Variants in ARHGEF10L observed in about 807,000 individuals in gnomAD.
ARHGEF10L encodes rho guanine nucleotide exchange factor 10-like protein.
A neutral mutation model predicts 141.2 loss-of-function variants in ARHGEF10L; 69 were observed. The ratio of observed to expected loss-of-function variants is 0.49; its 90% CI spans 0.40 to 0.60. ARHGEF10L has a LOEUF of 0.60. ARHGEF10L is among the 20% of genes least tolerant of loss of function. The pLI is 0.00. For missense variants in ARHGEF10L, 1,482 were observed against 1,734.3 expected, an observed-to-expected ratio of 0.85 and a Z score of 2.58; for synonymous variants, 711 against 718.5, an observed-to-expected ratio of 0.99 and a Z score of 0.17.
At chr1:17,574,733 C>T (rs79705403) in intron 1 of ARHGEF10L, among the ~76,000 whole-genome samples, 2,449 of 152,330 alleles carry the variant, frequency 0.016, 27 homozygotes, top group Middle Eastern at 0.031. Flanking sequence ...CTCCCCATCC[C>T]GGACTCTCCA....
intron 21 of ARHGEF10L, among the ~76,000 whole-genome samples, chr1:17,641,234 CA>C (rs1164147010): frequency 6.6e-6 from 1 of 152,246 alleles, no homozygotes; most frequent in East Asian, 1.9e-4. Flanking sequence ...TGATGTACTA[CA>C]GTTCCCATTT....
chr1:17,544,291 T>TATATATGA (rs200881521), intron 1 of ARHGEF10L, among the ~76,000 whole-genome samples: 5 of 150,838 alleles, frequency 3.3e-5, no homozygotes, highest in African/African-American at 9.7e-5. Context: ...TATATATATA[T>TATATATGA]AATAATTTTT....
chr1:17,582,735 C>T (rs2078683639), intron 2 of ARHGEF10L, among the ~76,000 whole-genome samples: 1 of 152,222 alleles, frequency 6.6e-6, no homozygotes, highest in Non-Finnish European at 1.5e-5. Flanking sequence ...TTGGCACCGT[C>T]TCAGTCTCTG....
intron 4 of ARHGEF10L, among the ~76,000 whole-genome samples, chr1:17,594,873 G>A (rs1187248237): frequency 2.0e-5 from 3 of 152,120 alleles, no homozygotes; most frequent in African/African-American, 7.2e-5. Flanking sequence ...GAGAGATTAG[G>A]TGCTTACTCG....
At position 17,639,857 on chromosome 1, in the gene ARHGEF10L, G is replaced by C. The variant is rs1362660231; in HGVS notation, c.2172-345G>C. 7.3e-7 allele frequency: 1 copy of C among 1,375,526 alleles called. No homozygotes were observed. The highest frequency in any genetic ancestry group is 1.4e-5 in the African/African-American group (1 of 69,114). 85.2% of individuals were successfully genotyped at this position (1,375,526 alleles called of 1,614,324 possible). On this transcript the variant is annotated intron_variant, in intron 20 of 28. Coordinates refer to ENST00000361221, the MANE Select transcript of ARHGEF10L (RefSeq NM_018125.4). This position sits in a 1 kb window ranked among gnomAD's most constrained non-coding sequence, Gnocchi z 4.3. ...AGGCACGTGGTCAGACATGTAAGGTGTCTAAGACCTGTGGACAGCTGACCG... is the reference window on the plus strand; with the variant it reads ...AGGCACGTGGTCAGACATGTAAGGTCTCTAAGACCTGTGGACAGCTGACCG...
chr1:17,657,865 A>G (rs2062372609), intron 25 of ARHGEF10L, among the ~76,000 whole-genome samples: 2 of 152,210 alleles, frequency 1.3e-5, no homozygotes, highest in African/African-American at 4.8e-5. Flanking sequence ...TCTGGTCCCC[A>G]GCTTGGGTTG....
At position 17,654,814 on chromosome 1, in the gene ARHGEF10L, G is replaced by A. The variant is rs2062130934; in HGVS notation, c.2481+92G>A. ...GGAGGGGGTGCTGGAGACAGCAGCT[G>A]CCTGCCTCATCTCATGCAGCTTCAT... is the stretch of plus-strand genomic sequence containing the variant. On this transcript the variant is annotated intron_variant, in intron 23 of 28. Coordinates refer to ENST00000361221, the MANE Select transcript of ARHGEF10L (RefSeq NM_018125.4). The surrounding 1 kb of genome is among the most constrained non-coding windows in gnomAD (Gnocchi z 4.3). The A allele has an allele frequency of 1.7e-6, 2 of 1,184,406 alleles. No individual in the cohort carries two copies. Among genetic ancestry groups the A allele is most frequent in the East Asian group, 2.3e-5 (1 of 42,828 alleles). 73.4% of individuals were successfully genotyped at this position (1,184,406 alleles called of 1,614,324 possible). A position where few individuals can be genotyped will look rare whatever the true frequency, so the allele number is the denominator to read the frequency against.
chr1:17,593,029 C>T (rs940557872), intron 4 of ARHGEF10L, among the ~76,000 whole-genome samples: 2 of 152,166 alleles, frequency 1.3e-5, no homozygotes, highest in African/African-American at 4.8e-5. Flanking sequence ...TCCCAGTTTC[C>T]AATCAGAGCC....
At chr1:17,616,295 T>G (rs2059804405) in intron 9 of ARHGEF10L, 93 bp downstream of exon 9, 3 of 1,103,652 alleles carry the variant, frequency 2.7e-6, no homozygotes, top group South Asian at 2.8e-5. Flanking sequence ...GAGGTCATGC[T>G]GGGTGGGTAC....
Position 17,687,559 on chromosome 1 carries a change from C to T in ARHGEF10L, c.3010-14C>T, listed in dbSNP as rs2064713441. On this transcript the variant is annotated splice_polypyrimidine_tract_variant and intron_variant, in intron 26 of 28. Coordinates refer to ENST00000361221, the MANE Select transcript of ARHGEF10L (RefSeq NM_018125.4). ...GGCCCAGCCAGTATCGACACTCCTC[C>T]CTTTGTGCCACAGCAAAGCTTCGAG... 6.2e-7 allele frequency: 1 copy of T among 1,612,356 alleles called. No homozygotes were observed. The highest frequency in any genetic ancestry group is 1.1e-5 in the South Asian group (1 of 91,068).
At chr1:17,520,510 A>G in the ARHGEF10L span, among the ~76,000 whole-genome samples, 4 of 152,110 alleles carry the variant, frequency 2.6e-5, no homozygotes, top group Admixed American at 2.6e-4. Context: ...AAATTGGAGG[A>G]GAATCTTTTG....
intron 7 of ARHGEF10L, among the ~76,000 whole-genome samples, chr1:17,608,765 A>T (rs951301770): frequency 6.6e-6 from 1 of 151,964 alleles, no homozygotes; most frequent in Non-Finnish European, 1.5e-5. Flanking sequence ...CGTCCCTCTC[A>T]GGCTACTTTT....
At chr1:17,663,571 C>T (rs1275009966) in intron 25 of ARHGEF10L, among the ~76,000 whole-genome samples, 1 of 141,174 alleles carries the variant, frequency 7.1e-6, no homozygotes, top group Non-Finnish European at 1.6e-5. Context: ...AAAAAAAAAA[C>T]AAAAAAAAAC....
At chr1:17,578,334 T>C (rs1201990448) in intron 1 of ARHGEF10L, among the ~76,000 whole-genome samples, 2 of 152,180 alleles carry the variant, frequency 1.3e-5, no homozygotes, top group African/African-American at 2.4e-5. Context: ...GTTTTCAGCG[T>C]GGGTCTAAAA....
Position 17,607,070 on chromosome 1 carries a change from G to A in ARHGEF10L, c.434-732G>A, listed in dbSNP as rs551902154. On this transcript the variant is annotated intron_variant, in intron 6 of 28. Coordinates refer to ENST00000361221, the MANE Select transcript of ARHGEF10L (RefSeq NM_018125.4). The surrounding 1 kb of genome is among the most constrained non-coding windows in gnomAD (Gnocchi z 4.5). The stretch of plus-strand genomic sequence containing the variant: ...CAGGCTGCACGTGAAGTCAGATTTG[G>A]GGTGAGGAGCCCTGAGGCCCCAACA... Among the ~76,000 whole-genome samples, 1 of 152,326 alleles carries A rather than the reference G, an allele frequency of 6.6e-6. No homozygotes were observed. Among genetic ancestry groups the A allele is most frequent in the African/African-American group, 2.4e-5 (1 of 41,572 alleles).
intron 4 of ARHGEF10L, among the ~76,000 whole-genome samples, chr1:17,598,580 C>T (rs760426396): frequency 6.6e-6 from 1 of 152,154 alleles, no homozygotes; most frequent in Non-Finnish European, 1.5e-5. Flanking sequence ...GCACTAATCC[C>T]AACCATGGGG....
chr1:17,689,511 C>T (rs2064903763), intron 27 of ARHGEF10L, among the ~76,000 whole-genome samples: 1 of 25,480 alleles, frequency 3.9e-5, no homozygotes. Context: ...TCCCTGCCTC[C>T]CTCCCTCCCT....
At chr1:17,685,746 C>T (rs1056512394) in intron 26 of ARHGEF10L, among the ~76,000 whole-genome samples, 2 of 152,238 alleles carry the variant, frequency 1.3e-5, no homozygotes, top group African/African-American at 4.8e-5. Flanking sequence ...AGGCACTGGG[C>T]CTGTGCCAAG....
chr1:17,597,873 T>C (rs1231773019), intron 4 of ARHGEF10L, among the ~76,000 whole-genome samples: 2 of 152,182 alleles, frequency 1.3e-5, no homozygotes, highest in Non-Finnish European at 2.9e-5. Context: ...TCCAAATCCC[T>C]CCTGAAGTTG....
Sources: gnomAD v4.1 joint callset for allele counts (sites outside exome capture counted in the v4.1 genomes callset) on GRCh38, gnomAD v4.1.1 for gene constraint, Gnocchi (gnomAD v3.1) non-coding constraint, MANE v1.5 for transcripts, NCBI Gene and HGNC (gene_info 2026-07-23, HGNC 2026-07-21) for gene names.